KLK11: variants seen among roughly 807,000 people sequenced by gnomAD.
KLK11 encodes kallikrein related peptidase 11.
Under a neutral mutation model 23.4 loss-of-function variants are expected in KLK11, and 10 were observed. That is an observed-to-expected ratio of 0.43 (90% CI 0.26 to 0.73). KLK11 has a LOEUF of 0.73. Among genes scored for constraint, KLK11 ranks in the 30% least tolerant of loss-of-function variants. KLK11 has a pLI of 0.22. For synonymous variants in KLK11, 131 were observed against 131.7 expected (o/e 0.99, Z 0.03); for missense variants, 285 against 327.8 (o/e 0.87, Z 1.01).
chr19:51,025,959 G>A lies in KLK11; in HGVS notation c.-35-293C>T, dbSNP rs896899167. On this transcript the variant is annotated intron_variant, in intron 1 of 5. Transcript: ENST00000453757. This position sits in a 1 kb window ranked among gnomAD's most constrained non-coding sequence, Gnocchi z 6.2. Reference sequence around the variant, plus strand: ...CTTTGAGCTGTCAAGCCATGGTTCGGCCCTGTTCAAGTCAGCCATGGGACC... The same window carrying A: ...CTTTGAGCTGTCAAGCCATGGTTCGACCCTGTTCAAGTCAGCCATGGGACC... 2 of 285,150 alleles carry A rather than the reference G, an allele frequency of 7.0e-6. No homozygotes were observed. Among genetic ancestry groups the A allele is most frequent in the South Asian group, 1.2e-4 (1 of 8,024 alleles). The allele number at this position is 285,150 out of a possible 1,614,324, so 17.7% of individuals were successfully genotyped here.
upstream of KLK11, chr19:51,027,504 C>T: frequency 6.2e-7 from 1 of 1,614,118 alleles, no homozygotes; most frequent in South Asian, 1.1e-5. Flanking sequence ...CCGCAGCCAC[C>T]TCAACCTCTG....
upstream of KLK11, chr19:51,026,713 C>T (rs897810751): frequency 1.7e-5 from 10 of 596,640 alleles, no homozygotes; most frequent in Non-Finnish European, 2.1e-5. Context: ...CCTTAATGCC[C>T]CGGGGCGGGG....
upstream of KLK11, chr19:51,027,374 C>T (rs2091501904): frequency 7.0e-7 from 1 of 1,423,984 alleles, no homozygotes; most frequent in African/African-American, 1.4e-5. Context: ...CAGGGCTCCT[C>T]TGGGGCCTCG....
intron 5 of KLK11, 90 bp downstream of exon 5, chr19:51,023,002 G>T: frequency 1.4e-6 from 2 of 1,436,184 alleles, no homozygotes; most frequent in Non-Finnish European, 1.9e-6. Flanking sequence ...GGGTCGGCGG[G>T]TTGAGGTTGG....
In KLK11 at chr19:51,024,022, AG is replaced by A; in HGVS notation, c.463+22del. The A allele has an allele frequency of 1.3e-6, 2 of 1,494,794 alleles. No individual in the cohort carries two copies. The allele number at this position is 1,494,794 out of a possible 1,614,324, so 92.6% of individuals were successfully genotyped here. On this transcript the variant is annotated intron_variant, in intron 4 of 5. Coordinates refer to ENST00000453757, the MANE Select transcript of KLK11 (RefSeq NM_001136032.3). The surrounding 1 kb of genome is among the most constrained non-coding windows in gnomAD (Gnocchi z 6.2). Reference sequence around the variant, plus strand: ...CACTCCCTCCTCACCACCCCCTGCCAGGTTCCCCTCTGGTGCTCCTACACTG... The same window carrying A: ...CACTCCCTCCTCACCACCCCCTGCCAGTTCCCCTCTGGTGCTCCTACACTG...
intron 5 of KLK11, 105 bp from the exon 6 acceptor site, chr19:51,022,802 G>A: frequency 3.2e-6 from 4 of 1,246,238 alleles, no homozygotes; most frequent in Non-Finnish European, 4.6e-6. Context: ...GACAGGATGG[G>A]TAGGCACTGG....
At position 51,023,078 on chromosome 19, in the gene KLK11, G is replaced by A; in HGVS notation, c.600+14C>T. ...GGGGATGGGGATGGGGCTGTGGTTG[G>A]AGACCACACTGACCTGGCAGGAGTC... On this transcript the variant is annotated intron_variant, in intron 5 of 5. Transcript: ENST00000453757. The A allele has an allele frequency of 6.3e-7, 1 of 1,595,972 alleles. No homozygotes were observed. The highest frequency in any genetic ancestry group is 8.5e-7 in the Non-Finnish European group (1 of 1,170,936).
At chr19:51,027,780 C>A, upstream of KLK11, 1 of 440,608 alleles carries the variant, frequency 2.3e-6, no homozygotes, top group Non-Finnish European at 4.1e-6. Flanking sequence ...GGGTGACAGA[C>A]CTGCTTGCAG....
Position 51,022,519 on chromosome 19 carries a change from G to A in KLK11, c.*26C>T, listed in dbSNP as rs1220769841. 6.2e-7 allele frequency: 1 copy of A among 1,613,724 alleles called. No individual in the cohort carries two copies. Among genetic ancestry groups the A allele is most frequent in the Non-Finnish European group, 8.5e-7 (1 of 1,179,674 alleles). ...CAAACACCAAGTGGAAATGGAGGGTGATGGGCTGTGGTGGGTGGGTCCAGT... is the reference window on the plus strand; with the variant it reads ...CAAACACCAAGTGGAAATGGAGGGTAATGGGCTGTGGTGGGTGGGTCCAGT... On this transcript the variant is annotated 3_prime_UTR_variant, in exon 6 of 6. Coordinates refer to ENST00000453757, the MANE Select transcript of KLK11 (RefSeq NM_001136032.3).
At position 51,025,754 on chromosome 19, in the gene KLK11, A is replaced by G; in HGVS notation, c.-35-88T>C. ...GCTCATGCCCTCTCCTCTCTCCCTC[A>G]CCTGCTCCCGCTCCCCACTTGGGAG... is the stretch of plus-strand genomic sequence containing the variant. On this transcript the variant is annotated intron_variant, in intron 1 of 5. Coordinates refer to ENST00000453757, the MANE Select transcript of KLK11 (RefSeq NM_001136032.3). The surrounding 1 kb of genome is among the most constrained non-coding windows in gnomAD (Gnocchi z 6.2). 1 of 554,212 alleles carries G rather than the reference A, an allele frequency of 1.8e-6. No homozygotes were observed. The highest frequency in any genetic ancestry group is 3.2e-6 in the Non-Finnish European group (1 of 309,430). 34.3% of individuals were successfully genotyped at this position (554,212 alleles called of 1,614,324 possible).
upstream of KLK11, chr19:51,027,226 G>A (rs963166043): frequency 1.9e-5 from 10 of 524,648 alleles, no homozygotes; most frequent in South Asian, 1.5e-4. Context: ...TGCAAGGAGA[G>A]GGGGGGTGTG....
chr19:51,024,365 GGAGAGGT>G lies in KLK11; in HGVS notation c.198-62_198-56del. On this transcript the variant is annotated intron_variant, in intron 3 of 5. Transcript: ENST00000453757. This position sits in a 1 kb window ranked among gnomAD's most constrained non-coding sequence, Gnocchi z 6.2. ...GGAAAGGTCGGGGGAGACATGGGTG[GGAGAGGT>G]GAGTGACACCTTTGAGGATGAAGAA... The G allele has an allele frequency of 1.3e-6, 2 of 1,590,300 alleles. No individual in the cohort carries two copies. Among genetic ancestry groups the G allele is most frequent in the Non-Finnish European group, 1.7e-6 (2 of 1,169,760 alleles).
At chr19:51,027,430 G>A, upstream of KLK11, 2 of 1,612,178 alleles carry the variant, frequency 1.2e-6, no homozygotes, top group South Asian at 1.1e-5. Context: ...TGCCGCCCAG[G>A]CAGCCCGAGT....
chr19:51,027,791 G>A (rs998486247), upstream of KLK11: 30 of 415,084 alleles, frequency 7.2e-5, no homozygotes, highest in Non-Finnish European at 1.1e-4. Context: ...CTGCTTGCAG[G>A]GGAGGTTGGG....
chr19:51,025,884 G>A lies in KLK11; in HGVS notation c.-35-218C>T, dbSNP rs1600156509. On this transcript the variant is annotated intron_variant, in intron 1 of 5. Transcript: ENST00000453757. The surrounding 1 kb of genome is among the most constrained non-coding windows in gnomAD (Gnocchi z 6.2). ...TGGCCTTGGAGAGGGCCTGGTCACA[G>A]CTAGAAGCTTCCGAGATACCAAGAA... The A allele has an allele frequency of 7.5e-6, 3 of 401,508 alleles. No homozygotes were observed. The East Asian group carries it at 1.2e-4, about 16-fold the overall frequency. 24.9% of individuals were successfully genotyped at this position (401,508 alleles called of 1,614,324 possible).
Position 51,022,701 on chromosome 19 carries a change from G to A in KLK11, c.601-4C>T. ...CCAGAGGGCCCCCGGAGTCACCCTG[G>A]GCACGGGGAGAGAGAATGTCGGTCA... On this transcript the variant is annotated splice_polypyrimidine_tract_variant and splice_region_variant and intron_variant, in intron 5 of 5. Coordinates refer to ENST00000453757, the MANE Select transcript of KLK11 (RefSeq NM_001136032.3). 1 of 1,612,748 alleles carries A rather than the reference G, an allele frequency of 6.2e-7. No individual in the cohort carries two copies. The highest frequency in any genetic ancestry group is 8.5e-7 in the Non-Finnish European group (1 of 1,180,014).
At position 51,024,723 on chromosome 19, in the gene KLK11, CT is replaced by C; in HGVS notation, c.111del (p.Ala38ProfsTer21). On this transcript the variant is annotated frameshift_variant, in exon 3 of 6. Transcript: ENST00000453757. LOFTEE classifies it high-confidence loss of function. The surrounding 1 kb of genome is among the most constrained non-coding windows in gnomAD (Gnocchi z 6.2). ...AGTAGCCGCGTCTTCTCGAACAGGG[CT>C]GCCTGCCAGGGCTGGGAGTGAGGCT... ...ECKPHSQPWQ[A>X]ALFEKTRLLC... 6.2e-7 allele frequency: 1 copy of C among 1,602,218 alleles called. No individual in the cohort carries two copies. Among genetic ancestry groups the C allele is most frequent in the Non-Finnish European group, 8.5e-7 (1 of 1,176,482 alleles).
rs2091455546 is a variant in KLK11, at chr19:51,024,684, G to T, written c.151C>A (p.Leu51Ile). ...EKTRLLCGAT[L>I]IAPRWLLTAA... ...GTCAGGAGCCATCTGGGGGCGATGA[G>T]CGTCGCCCCACAGAGTAGCCGCGTC... Residue 51 changes from leucine (L) to isoleucine (I), a missense_variant, in exon 3 of 6, where the codon CTC (leucine) becomes ATC (isoleucine). Leu to Ile is a conservative substitution (Grantham distance 5, BLOSUM62 2). Transcript: ENST00000453757. The surrounding 1 kb of genome is among the most constrained non-coding windows in gnomAD (Gnocchi z 6.2). The T allele has an allele frequency of 6.2e-7, 1 of 1,601,008 alleles. No homozygotes were observed. The highest frequency in any genetic ancestry group is 8.5e-7 in the Non-Finnish European group (1 of 1,175,088).
At position 51,024,740 on chromosome 19, in the gene KLK11, G is replaced by C. The variant is rs1272424662; in HGVS notation, c.95C>G (p.Ser32Cys). The C allele has an allele frequency of 6.2e-7, 1 of 1,603,726 alleles. No individual in the cohort carries two copies. Among genetic ancestry groups the C allele is most frequent in the Non-Finnish European group, 8.5e-7 (1 of 1,176,886 alleles). The part of the protein sequence containing the change: ...IIKGFECKPH[S>C]QPWQAALFEK... ...GAACAGGGCTGCCTGCCAGGGCTGG[G>C]AGTGAGGCTTGCACTCGAACCCCTT... Residue 32 changes from serine (S) to cysteine (C), a missense_variant, in exon 3 of 6, where the codon TCC becomes TGC. By Grantham distance (112) the Ser-to-Cys change is moderately radical. Coordinates refer to ENST00000453757, the MANE Select transcript of KLK11 (RefSeq NM_001136032.3). This position sits in a 1 kb window ranked among gnomAD's most constrained non-coding sequence, Gnocchi z 6.2.
Sources: allele counts gnomAD v4.1 joint callset, GRCh38; gene constraint gnomAD v4.1.1; non-coding constraint Gnocchi (gnomAD v3.1); transcripts MANE v1.5; gene names NCBI Gene and HGNC (gene_info 2026-07-23, HGNC 2026-07-21).